GULP1: variants seen among roughly 807,000 people sequenced by gnomAD.
GULP1 encodes GULP PTB domain containing engulfment adaptor 1.
A neutral mutation model predicts 40.9 loss-of-function variants in GULP1; 19 were observed. The observed-to-expected ratio is 0.46, with a 90% CI of 0.32 to 0.68. The LOEUF (loss-of-function observed/expected upper bound fraction) is 0.68. Among genes scored for constraint, GULP1 ranks in the 30% least tolerant of loss-of-function variants. GULP1 has a pLI of 0.03. For missense variants in GULP1, 312 were observed against 362.2 expected, an observed-to-expected ratio of 0.86 and a Z score of 1.12; for synonymous variants, 119 against 117.6, an observed-to-expected ratio of 1.01 and a Z score of -0.08.
intron 4 of GULP1, among the ~76,000 whole-genome samples, chr2:188,484,704 T>C (rs1428996444): frequency 2.0e-5 from 3 of 152,172 alleles, no homozygotes; most frequent in Non-Finnish European, 4.4e-5. Flanking sequence ...AGTTCTTACC[T>C]AAGTCTGAAT....
intron 2 of GULP1, among the ~76,000 whole-genome samples, chr2:188,465,633 G>A (rs2060047100): frequency 1.3e-5 from 2 of 152,258 alleles, no homozygotes; most frequent in South Asian, 4.1e-4. Context: ...CACTGGGATT[G>A]GCAATTCTCC....
intron 1 of GULP1, among the ~76,000 whole-genome samples, chr2:188,324,139 T>C (rs1182635691): frequency 6.6e-6 from 1 of 152,038 alleles, no homozygotes; most frequent in Non-Finnish European, 1.5e-5. Context: ...AAAATAAGGA[T>C]TTAATTATAA....
At position 188,513,651 on chromosome 2, in the gene GULP1, A is replaced by C. The variant is rs2064843622; in HGVS notation, c.91-9105A>C. ...CTTAGTGAACATATATTAATATTAA[A>C]ATTAACGTATTTATTCATAAATAAA... On this transcript the variant is annotated intron_variant, in intron 4 of 11. Coordinates refer to ENST00000409830, the MANE Select transcript of GULP1 (RefSeq NM_016315.4). 2.0e-5 allele frequency among the ~76,000 whole-genome samples: 3 copies of C among 152,078 alleles called. No homozygotes were observed. In the South Asian group the frequency reaches 6.2e-4, roughly 31 times the overall value.
intron 10 of GULP1, 70 bp downstream of exon 10, chr2:188,584,473 T>C: frequency 1.3e-6 from 1 of 765,208 alleles, no homozygotes; most frequent in South Asian, 3.1e-5. Flanking sequence ...ATTAAGACTT[T>C]GTGGGAAATT....
Position 188,569,223 on chromosome 2 carries a change from T to C in GULP1, c.400-16T>C, listed in dbSNP as rs567887338. 58 of 1,283,482 alleles carry C rather than the reference T, an allele frequency of 4.5e-5. No individual in the cohort carries two copies. The South Asian group carries it at 6.3e-4, about 14-fold the overall frequency. The allele number at this position is 1,283,482 out of a possible 1,614,324, so 79.5% of individuals were successfully genotyped here. A position where few individuals can be genotyped will look rare whatever the true frequency, so the allele number is the denominator to read the frequency against. On this transcript the variant is annotated splice_polypyrimidine_tract_variant and intron_variant, in intron 7 of 11. Coordinates refer to ENST00000409830, the MANE Select transcript of GULP1 (RefSeq NM_016315.4). Reference sequence around the variant, plus strand: ...CATATTATTAAAATGCAAATCTTTGTTTGATTTTTACACAGGCTGAAGAGA... The same window carrying C: ...CATATTATTAAAATGCAAATCTTTGCTTGATTTTTACACAGGCTGAAGAGA...
chr2:188,421,514 T>C (rs937293270), intron 2 of GULP1, among the ~76,000 whole-genome samples: 6 of 152,304 alleles, frequency 3.9e-5, no homozygotes, highest in Non-Finnish European at 7.4e-5. Flanking sequence ...CCCTTTATTG[T>C]TAGTACTTTT....
chr2:188,395,811 A>G (rs1273642087), intron 2 of GULP1, among the ~76,000 whole-genome samples: 1 of 152,042 alleles, frequency 6.6e-6, no homozygotes, highest in Admixed American at 6.6e-5. Flanking sequence ...CAGTGTTGTG[A>G]CCTATTCTGA....
intron 1 of GULP1, among the ~76,000 whole-genome samples, chr2:188,317,073 C>T (rs35196443): frequency 0.15 from 23,005 of 152,130 alleles, 1,890 homozygotes; most frequent in African/African-American, 0.17. Context: ...GTGCCACTAC[C>T]TAGCAAAATC....
chr2:188,477,754 C>A, intron 3 of GULP1, 24 bp downstream of exon 3: 1 of 1,577,416 alleles, frequency 6.3e-7, no homozygotes, highest in Non-Finnish European at 8.6e-7. Context: ...TTTTTTAAAA[C>A]TTGGGAGTCA....
chr2:188,507,389 T>C (rs2064024909), intron 4 of GULP1, among the ~76,000 whole-genome samples: 1 of 124,738 alleles, frequency 8.0e-6, no homozygotes. Flanking sequence ...AGAATACCAT[T>C]TGTTTTCTTT....
chr2:188,570,102 T>A lies in GULP1; in HGVS notation c.591T>A (p.Thr197=). The change falls in exon 9 of 12, where the codon ACT becomes ACA. Residue 197 remains threonine, a synonymous_variant. Coordinates refer to ENST00000409830, the MANE Select transcript of GULP1 (RefSeq NM_016315.4). ...ATTTGGAAAACCAACTGAGAATAAC[T>A]CAAGTATCAGCACCTCCAGTGAGTA... ...VQDLENQLRI[T]QVSAPPAGSM... The A allele has an allele frequency of 7.0e-7, 1 of 1,432,058 alleles. No homozygotes were observed. Among genetic ancestry groups the A allele is most frequent in the Non-Finnish European group, 9.7e-7 (1 of 1,029,828 alleles). The allele number at this position is 1,432,058 out of a possible 1,614,324, so 88.7% of individuals were successfully genotyped here. A position where few individuals can be genotyped will look rare whatever the true frequency, so the allele number is the denominator to read the frequency against.
At chr2:188,353,259 C>T (rs2044757466) in intron 1 of GULP1, among the ~76,000 whole-genome samples, 1 of 152,200 alleles carries the variant, frequency 6.6e-6, no homozygotes, top group Admixed American at 6.5e-5. Flanking sequence ...CAAGTGCTCA[C>T]TACATGCCAG....
At chr2:188,583,028 G>T (rs1239819626) in intron 9 of GULP1, among the ~76,000 whole-genome samples, 1 of 152,080 alleles carries the variant, frequency 6.6e-6, no homozygotes, top group East Asian at 1.9e-4. Context: ...TGATTGATTT[G>T]TTTTGCTTTT....
At chr2:188,473,741 C>A (rs1379198055) in intron 2 of GULP1, among the ~76,000 whole-genome samples, 1 of 152,006 alleles carries the variant, frequency 6.6e-6, no homozygotes, top group Non-Finnish European at 1.5e-5. Context: ...GAATCAGCAA[C>A]CCCAAGAGAC....
At chr2:188,587,298 GA>G in intron 10 of GULP1, among the ~76,000 whole-genome samples, 1 of 152,026 alleles carries the variant, frequency 6.6e-6, no homozygotes, top group Non-Finnish European at 1.5e-5. Flanking sequence ...CATTTTTAAA[GA>G]AACTATCTCA....
At chr2:188,384,248 G>A (rs1231718817) in intron 2 of GULP1, 1 of 152,182 alleles carries the variant, frequency 6.6e-6, no homozygotes, top group East Asian at 1.9e-4. Flanking sequence ...CTACATGGCT[G>A]GGGAGGTCTC....
At chr2:188,522,113 TACA>T (rs892192892) in intron 4 of GULP1, among the ~76,000 whole-genome samples, 34 of 152,260 alleles carry the variant, frequency 2.2e-4, no homozygotes, top group African/African-American at 7.9e-4. Flanking sequence ...CAAAAAACAG[TACA>T]ATTGTAGATC....
chr2:188,449,270 TTTATC>T (rs1392592356), intron 2 of GULP1, among the ~76,000 whole-genome samples: 3 of 152,218 alleles, frequency 2.0e-5, no homozygotes, highest in African/African-American at 7.2e-5. Flanking sequence ...TCTATTTTCA[TTTATC>T]TTATCAAGTA....
chr2:188,432,681 A>G (rs1444504039), intron 2 of GULP1, among the ~76,000 whole-genome samples: 1 of 152,126 alleles, frequency 6.6e-6, no homozygotes, highest in Non-Finnish European at 1.5e-5. Flanking sequence ...ATGTATATTG[A>G]TGATTCTGAA....
Sources: allele counts gnomAD v4.1 joint callset (sites outside exome capture counted in the v4.1 genomes callset), GRCh38; gene constraint gnomAD v4.1.1; transcripts MANE v1.5; gene names NCBI Gene and HGNC (gene_info 2026-07-23, HGNC 2026-07-21).